The following ELL3 variants were observed in gnomAD, a reference collection of about 807,000 sequenced individuals.
ELL3 encodes the protein elongation factor for RNA polymerase II 3.
In ELL3, 48 loss-of-function variants were observed where a neutral mutation model predicts 58.5. The observed-to-expected ratio is 0.82, with a 90% CI of 0.65 to 1.04. ELL3 has a LOEUF of 1.04. ELL3 is among the 50% of genes least tolerant of loss of function. ELL3 has a pLI of 0.00. For missense variants in ELL3, 458 were observed against 478.4 expected, an observed-to-expected ratio of 0.96 and a Z score of 0.40; for synonymous variants, 174 against 173.2, an observed-to-expected ratio of 1.00 and a Z score of -0.04.
chr15:43,776,473 C>T (rs1172627864), intron 2 of ELL3, 36 bp downstream of exon 2: 20 of 1,557,734 alleles, frequency 1.3e-5, no homozygotes, highest in Non-Finnish European at 1.6e-5. Flanking sequence ...GCTCCCTCGC[C>T]CTCACCTCGC....
chr15:43,775,289 T>G lies in ELL3; in HGVS notation c.645+17A>C. The G allele has an allele frequency of 6.3e-7, 1 of 1,578,938 alleles. No individual in the cohort carries two copies. The highest frequency in any genetic ancestry group is 8.6e-7 in the Non-Finnish European group (1 of 1,164,054). Reference sequence around the variant, plus strand: ...TATTAATGTTACAAAAAAAAAGCCCTTGCCATTCTAACTTACCTTGTCCAG... The same window carrying G: ...TATTAATGTTACAAAAAAAAAGCCCGTGCCATTCTAACTTACCTTGTCCAG... On this transcript the variant is annotated intron_variant, in intron 6 of 10. Transcript: ENST00000319359.
At chr15:43,776,344 G>A in intron 2 of ELL3, 165 bp downstream of exon 2, 2 of 1,251,508 alleles carry the variant, frequency 1.6e-6, no homozygotes, top group Non-Finnish European at 2.3e-6. Flanking sequence ...ACAGCCCCCT[G>A]GGACAACCCC....
Position 43,776,652 on chromosome 15 carries a change from G to A in ELL3, c.133-108C>T. The A allele has an allele frequency of 3.2e-6, 5 of 1,546,840 alleles. No homozygotes were observed. The South Asian group carries it at 4.7e-5, about 15-fold the overall frequency. ...TGCCTAGCGGGCTTCACTTGGAGAGGTGGGGAGGCCAGAGCTTGCGGAAGC... is the reference window on the plus strand; with the variant it reads ...TGCCTAGCGGGCTTCACTTGGAGAGATGGGGAGGCCAGAGCTTGCGGAAGC... On this transcript the variant is annotated intron_variant, in intron 1 of 10. Coordinates refer to ENST00000319359, the MANE Select transcript of ELL3 (RefSeq NM_025165.3).
At chr15:43,776,179 C>A (rs765736640) in intron 2 of ELL3, 28 bp from the exon 3 acceptor site, 3 of 1,598,562 alleles carry the variant, frequency 1.9e-6, no homozygotes, top group African/African-American at 2.7e-5. Context: ...CGGTAAGCCC[C>A]ATGAAGTCAG....
chr15:43,775,571 A>T lies in ELL3; in HGVS notation c.523T>A (p.Ser175Thr), dbSNP rs1242398641. 1 of 1,614,054 alleles carries T rather than the reference A, an allele frequency of 6.2e-7. No individual in the cohort carries two copies. The highest frequency in any genetic ancestry group is 2.2e-5 in the East Asian group (1 of 44,898). Residue 175 changes from serine (S) to threonine (T), a missense_variant, in exon 5 of 11, where the codon TCA becomes ACA. Transcript: ENST00000319359. Reference sequence around the variant, plus strand: ...TGCTCCCTTGAGGATCCTGGGAGTGACTGTCCTTGGTTGCTTGCCAGTGGA... The same window carrying T: ...TGCTCCCTTGAGGATCCTGGGAGTGTCTGTCCTTGGTTGCTTGCCAGTGGA... Reference protein sequence around the residue: ...SDPLASNQGQSLPGSSREHMA... With the variant: ...SDPLASNQGQTLPGSSREHMA...
intron 6 of ELL3, 122 bp from the exon 7 acceptor site, chr15:43,774,895 G>A (rs181980715): frequency 1.8e-6 from 2 of 1,082,548 alleles, no homozygotes; most frequent in African/African-American, 3.2e-5. Flanking sequence ...CCGTTTCAGA[G>A]GCTCAGGTGG....
chr15:43,776,164 G>T lies in ELL3; in HGVS notation c.169-13C>A, dbSNP rs541095065. On this transcript the variant is annotated splice_polypyrimidine_tract_variant and intron_variant, in intron 2 of 10. Transcript: ENST00000319359. ...GGAGTCTCAGATACTGGGGGTGGAA[G>T]GAGACGGTAAGCCCCATGAAGTCAG... The T allele has an allele frequency of 6.2e-7, 1 of 1,610,432 alleles. No individual in the cohort carries two copies. Among genetic ancestry groups the T allele is most frequent in the South Asian group, 1.1e-5 (1 of 91,008 alleles).
Position 43,774,222 on chromosome 15 carries a change from G to T in ELL3, c.998C>A (p.Ala333Glu), listed in dbSNP as rs201424198. Residue 333 changes from alanine to glutamate, a missense_variant, in exon 9 of 11, where the codon GCA becomes GAA. Coordinates refer to ENST00000319359, the MANE Select transcript of ELL3 (RefSeq NM_025165.3). ...TCCTCGCCGAACTCTTTTAATCTCT[G>T]CTCCCAGCTCTATGAACCTTTGGCT... ...TASQRFIELG[A>E]EIKRVRRGTP... 5.0e-6 allele frequency: 8 copies of T among 1,614,160 alleles called. No individual in the cohort carries two copies. Among genetic ancestry groups the T allele is most frequent in the Admixed American group, 1.7e-5 (1 of 60,020 alleles).
intron 6 of ELL3, 88 bp downstream of exon 6, chr15:43,775,218 T>C: frequency 7.5e-7 from 1 of 1,335,604 alleles, no homozygotes; most frequent in Non-Finnish European, 1.0e-6. Context: ...AAATTTTAGC[T>C]TGACTAAAAG....
rs200102908 is a variant in ELL3 at position 43,773,326 on chromosome 15, T to C, written c.1061A>G (p.Gln354Arg). 1.9e-6 allele frequency: 3 copies of C among 1,614,208 alleles called. No homozygotes were observed. The highest frequency in any genetic ancestry group is 2.5e-6 in the Non-Finnish European group (3 of 1,180,040). The change falls in exon 10 of 11, where the codon CAG becomes CGG. Residue 354 changes from glutamine to arginine, a missense_variant. By Grantham distance (43) the Gln-to-Arg change is conservative. Transcript: ENST00000319359. ...EYKVLEDKIIQEYKKFRKQYP... is the reference protein window; with the variant it reads ...EYKVLEDKIIREYKKFRKQYP... ...TACCTTCCTGAACTTTTTATATTCC[T>C]GGATTATCTTGTCTTCCAGGACCTG...
At position 43,776,511 on chromosome 15, in the gene ELL3, C is replaced by G; in HGVS notation, c.166G>C (p.Gly56Arg). The G allele has an allele frequency of 1.3e-6, 2 of 1,565,238 alleles. No individual in the cohort carries two copies. Among genetic ancestry groups the G allele is most frequent in the Non-Finnish European group, 1.7e-6 (2 of 1,153,406 alleles). The change falls in exon 2 of 11, where the codon GGG becomes CGG. Residue 56 changes from glycine to arginine, a missense_variant and splice_region_variant. Coordinates refer to ENST00000319359, the MANE Select transcript of ELL3 (RefSeq NM_025165.3). ...ACACACCCTGAGCTCGCACTTACCC[C>G]TCGGTGGCCTTGGAAAGCAATCACC... is the stretch of plus-strand genomic sequence containing the variant. Reference protein sequence around the residue: ...RPVIAFQGHRGYLRLPGPGWS... With the variant: ...RPVIAFQGHRRYLRLPGPGWS...
In ELL3 at chr15:43,775,818, G is replaced by A. The variant is rs370565230; in HGVS notation, c.387C>T (p.Asn129=). The A allele has an allele frequency of 1.9e-6, 3 of 1,614,092 alleles. No individual in the cohort carries two copies. In the African/African-American group the frequency reaches 4.0e-5, roughly 22 times the overall value. The change falls in exon 4 of 11, where the codon AAC becomes AAT. Residue 129 remains asparagine (N), a synonymous_variant. Coordinates refer to ENST00000319359, the MANE Select transcript of ELL3 (RefSeq NM_025165.3). ...IPAPSSVQGH[N]LTEDARHPES... is the part of the protein sequence containing the mutation. ...CAGGATGTCTGGCATCTTCAGTCAG[G>A]TTGTGTCCCTGAACTGATGATGGGG... is the stretch of plus-strand genomic sequence containing the variant.
chr15:43,776,212 C>T, intron 2 of ELL3, 61 bp from the exon 3 acceptor site: 3 of 1,471,528 alleles, frequency 2.0e-6, no homozygotes, highest in Non-Finnish European at 2.8e-6. Context: ...CTGCCGCCGC[C>T]ACTCGTCCGG....
chr15:43,774,316 C>T lies in ELL3; in HGVS notation c.904G>A (p.Ala302Thr). The change falls in exon 9 of 11, where the codon GCC becomes ACC. Residue 302 changes from alanine to threonine, a missense_variant. Physicochemically the swap from Ala to Thr is moderately conservative, Grantham distance 58 (BLOSUM62 0). Coordinates refer to ENST00000319359, the MANE Select transcript of ELL3 (RefSeq NM_025165.3). Reference sequence around the variant, plus strand: ...TCTGTCTCAAAGTCCTGCTCATAGGCATGTTGCTGTTCTGCACTGTGGATG... The same window carrying T: ...TCTGTCTCAAAGTCCTGCTCATAGGTATGTTGCTGTTCTGCACTGTGGATG... ...RAIHSAEQQH[A>T]YEQDFETDYA... 6.2e-7 allele frequency: 1 copy of T among 1,614,234 alleles called. No individual in the cohort carries two copies. The highest frequency in any genetic ancestry group is 1.1e-5 in the South Asian group (1 of 91,092).
rs2086913888 is a variant in ELL3, at chr15:43,776,069, C to A, written c.251G>T (p.Ser84Ile). ...SQCCQEGAGG[S>I]LDLVCQRFLR... The stretch of plus-strand genomic sequence containing the variant: ...GAAGCGTTGGCACACAAGGTCCAAG[C>A]TACCACCAGCGCCCTCCTGACAACA... Residue 84 changes from serine to isoleucine, a missense_variant, in exon 3 of 11, where the codon AGC becomes ATC. Physicochemically the swap from Ser to Ile is moderately radical, Grantham distance 142. Coordinates refer to ENST00000319359, the MANE Select transcript of ELL3 (RefSeq NM_025165.3). 3 of 1,614,172 alleles carry A rather than the reference C, an allele frequency of 1.9e-6. No homozygotes were observed. The highest frequency in any genetic ancestry group is 2.5e-6 in the Non-Finnish European group (3 of 1,180,034).
In ELL3 at chr15:43,776,095, C is replaced by G; in HGVS notation, c.225G>C (p.Gln75His). The change falls in exon 3 of 11, where the codon CAG becomes CAC. Residue 75 changes from glutamine (Q) to histidine (H), a missense_variant. Physicochemically the swap from Gln to His is conservative, Grantham distance 24. Transcript: ENST00000319359. ...TACCACCAGCGCCCTCCTGACAACA[C>G]TGGGACACTATGAAGGAGAAGAGGC... ...WSCLFSFIVS[Q>H]CCQEGAGGSL... The G allele has an allele frequency of 6.2e-7, 1 of 1,614,178 alleles. No homozygotes were observed. Among genetic ancestry groups the G allele is most frequent in the South Asian group, 1.1e-5 (1 of 91,086 alleles).
At position 43,775,930 on chromosome 15, in the gene ELL3, A is replaced by G. The variant is rs746322409; in HGVS notation, c.282-7T>C. ...GAGGCTGTTAGGCCCAGACCTGGAA[A>G]AGGATGGTGGAAAAAAATAGGAGGG... On this transcript the variant is annotated splice_region_variant and splice_polypyrimidine_tract_variant and intron_variant, in intron 3 of 10. Transcript: ENST00000319359. 6 of 1,614,038 alleles carry G rather than the reference A, an allele frequency of 3.7e-6. No homozygotes were observed. In the Admixed American group the frequency reaches 6.7e-5, roughly 18 times the overall value.
rs753269162 is a variant in ELL3, at chr15:43,776,169, CG to C, written c.169-19del. 9 of 1,606,864 alleles carry C rather than the reference CG, an allele frequency of 5.6e-6. No individual in the cohort carries two copies. Among genetic ancestry groups the C allele is most frequent in the Admixed American group, 5.0e-5 (3 of 59,760 alleles). ...CTCAGATACTGGGGGTGGAAGGAGA[CG>C]GTAAGCCCCATGAAGTCAGCCCCTC... On this transcript the variant is annotated intron_variant, in intron 2 of 10. Coordinates refer to ENST00000319359, the MANE Select transcript of ELL3 (RefSeq NM_025165.3).
rs2086903058 is a variant in ELL3 at position 43,774,848 on chromosome 15, C to T, written c.646-75G>A. On this transcript the variant is annotated intron_variant, in intron 6 of 10. Coordinates refer to ENST00000319359, the MANE Select transcript of ELL3 (RefSeq NM_025165.3). ...TATGTTCTTCTCTCAAGAATTTCTC[C>T]TAGGCTGGGCACAGTGGCTCATACC... is the stretch of plus-strand genomic sequence containing the variant. 6 of 1,453,646 alleles carry T rather than the reference C, an allele frequency of 4.1e-6. No homozygotes were observed. In the South Asian group the frequency reaches 5.7e-5, roughly 14 times the overall value. The allele number at this position is 1,453,646 out of a possible 1,614,324, so 90.0% of individuals were successfully genotyped here. A position where few individuals can be genotyped will look rare whatever the true frequency, so the allele number is the denominator to read the frequency against.
Sources: gnomAD v4.1 joint callset for allele counts on GRCh38, gnomAD v4.1.1 for gene constraint, MANE v1.5 for transcripts, NCBI Gene and HGNC (gene_info 2026-07-23, HGNC 2026-07-21) for gene names.